SFT2D1: variants seen among roughly 807,000 people sequenced by gnomAD.
The protein encoded by SFT2D1 is vesicle transport protein SFT2A.
SFT2D1 carries 24 observed loss-of-function variants against 28.1 expected under a neutral mutation model. The observed-to-expected ratio is 0.85, with a 90% CI of 0.62 to 1.20. The LOEUF (loss-of-function observed/expected upper bound fraction) is 1.20. SFT2D1 is among the 50% of genes most tolerant of loss of function. The probability of loss-of-function intolerance (pLI) is 0.00; values close to 1 mark genes in which losing one functional copy is unlikely to be tolerated. For missense variants in SFT2D1, 181 were observed against 190.9 expected, an observed-to-expected ratio of 0.95 and a Z score of 0.31; for synonymous variants, 82 against 73.7, an observed-to-expected ratio of 1.11 and a Z score of -0.58.
At chr6:166,324,401 T>C in intron 6 of SFT2D1, 136 bp downstream of exon 6, 1 of 711,192 alleles carries the variant, frequency 1.4e-6, no homozygotes, top group Non-Finnish European at 2.3e-6. Flanking sequence ...ATCGCAGACC[T>C]CCCCTCCTCT....
intron 4 of SFT2D1, among the ~76,000 whole-genome samples, chr6:166,327,303 G>A (rs1778463795): frequency 6.6e-6 from 1 of 152,056 alleles, no homozygotes; most frequent in African/African-American, 2.4e-5. Flanking sequence ...AGAGATTTGG[G>A]TCCCCCTCCT....
chr6:166,329,235 C>T (rs146854877), intron 3 of SFT2D1, among the ~76,000 whole-genome samples: 8 of 152,342 alleles, frequency 5.3e-5, no homozygotes, highest in African/African-American at 1.9e-4. Context: ...GCCTACCTCA[C>T]AAGCTCGTCA....
chr6:166,334,635 C>T (rs7740506), intron 1 of SFT2D1: 8,111 of 199,670 alleles, frequency 0.041, 710 homozygotes, highest in African/African-American at 0.18. Flanking sequence ...ACTGTGGAAT[C>T]TCGGCACTGG....
At chr6:166,338,849 C>T (rs1231843348) in intron 1 of SFT2D1, among the ~76,000 whole-genome samples, 1 of 152,138 alleles carries the variant, frequency 6.6e-6, no homozygotes, top group Non-Finnish European at 1.5e-5. Flanking sequence ...TCCCAGGCAT[C>T]TCGAAGGAGA....
chr6:166,327,529 T>A (rs1008838878), intron 4 of SFT2D1, among the ~76,000 whole-genome samples: 6 of 152,148 alleles, frequency 3.9e-5, no homozygotes, highest in African/African-American at 1.4e-4. Flanking sequence ...TTTGTCAAGT[T>A]GGCACACAGA....
intron 1 of SFT2D1, among the ~76,000 whole-genome samples, chr6:166,331,002 C>T (rs1778539658): frequency 6.6e-6 from 1 of 152,212 alleles, no homozygotes; most frequent in South Asian, 2.1e-4. Context: ...GTGAAATGAT[C>T]ATTTATTCTA....
Position 166,330,244 on chromosome 6 carries a change from G to A in SFT2D1, c.67C>T (p.Leu23=), listed in dbSNP as rs752048093. ...TTGAAACTAAGGGATGAGGCATCCAGGACCTTAATAAAAAATGGGAAAATT... is the reference window on the plus strand; with the variant it reads ...TTGAAACTAAGGGATGAGGCATCCAAGACCTTAATAAAAAATGGGAAAATT... The part of the protein sequence containing the change: ...DEEQGLTAQV[L]DASSLSFNTR... The change falls in exon 2 of 8, where the codon CTG becomes TTG. Residue 23 remains leucine (L), a synonymous_variant. Coordinates refer to ENST00000361731, the MANE Select transcript of SFT2D1 (RefSeq NM_145169.3). The A allele has an allele frequency of 1.9e-6, 3 of 1,593,774 alleles. No homozygotes were observed. Among genetic ancestry groups the A allele is most frequent in the African/African-American group, 1.4e-5 (1 of 73,794 alleles).
In SFT2D1 at chr6:166,320,121, C is replaced by T. The variant is rs529953396; in HGVS notation, c.*96G>A. 18 of 1,126,468 alleles carry T rather than the reference C, an allele frequency of 1.6e-5. No individual in the cohort carries two copies. In the South Asian group the frequency reaches 1.6e-4, roughly 10 times the overall value. The allele number at this position is 1,126,468 out of a possible 1,614,324, so 69.8% of individuals were successfully genotyped here. A position where few individuals can be genotyped will look rare whatever the true frequency, so the allele number is the denominator to read the frequency against. ...AGTACAAAACGGTCTTCAACTGTCA[C>T]GTCAGTTGTTCCTGGAGTGTTTTAT... is the stretch of plus-strand genomic sequence containing the variant. On this transcript the variant is annotated 3_prime_UTR_variant, in exon 8 of 8. Transcript: ENST00000361731.
In SFT2D1 at chr6:166,342,453, C is replaced by T. The variant is rs868436174; in HGVS notation, c.29G>A (p.Gly10Asp). The T allele has an allele frequency of 1.3e-6, 2 of 1,559,270 alleles. No individual in the cohort carries two copies. The highest frequency in any genetic ancestry group is 8.7e-7 in the Non-Finnish European group (1 of 1,152,260). Reference protein sequence around the residue: MEKLRRVLSGQDDEEQGLTA... With the variant: MEKLRRVLSDQDDEEQGLTA... ...CAGGCCCTGCTCCTCGTCGTCCTGG[C>T]CGCTCAGGACTCGCCGCAGCTTCTC... The change falls in exon 1 of 8, where the codon GGC (glycine) becomes GAC (aspartate). Residue 10 changes from glycine to aspartate, a missense_variant. Gly to Asp is a moderately conservative substitution (Grantham distance 94, BLOSUM62 -1). Coordinates refer to ENST00000361731, the MANE Select transcript of SFT2D1 (RefSeq NM_145169.3).
At chr6:166,336,792 A>T (rs1583042314) in intron 1 of SFT2D1, among the ~76,000 whole-genome samples, 1 of 151,644 alleles carries the variant, frequency 6.6e-6, no homozygotes, top group Non-Finnish European at 1.5e-5. Context: ...CTGGTCTTGA[A>T]CTCCTGGGCC....
At position 166,342,488 on chromosome 6, in the gene SFT2D1, G is replaced by A; in HGVS notation, c.-7C>T. 1 of 1,548,698 alleles carries A rather than the reference G, an allele frequency of 6.5e-7. No individual in the cohort carries two copies. Among genetic ancestry groups the A allele is most frequent in the Non-Finnish European group, 8.7e-7 (1 of 1,146,784 alleles). On this transcript the variant is annotated 5_prime_UTR_variant, in exon 1 of 8. Coordinates refer to ENST00000361731, the MANE Select transcript of SFT2D1 (RefSeq NM_145169.3). Reference sequence around the variant, plus strand: ...CTCGCCGCAGCTTCTCCATGGCCCTGTTACAGGGCCGTAGCGGCCGCCACT... The same window carrying A: ...CTCGCCGCAGCTTCTCCATGGCCCTATTACAGGGCCGTAGCGGCCGCCACT...
In SFT2D1 at chr6:166,329,519, G is replaced by T; in HGVS notation, c.221C>A (p.Ala74Asp). 1 of 1,608,176 alleles carries T rather than the reference G, an allele frequency of 6.2e-7. No individual in the cohort carries two copies. Among genetic ancestry groups the T allele is most frequent in the Non-Finnish European group, 8.5e-7 (1 of 1,175,932 alleles). Residue 74 changes from alanine (A) to aspartate (D), a missense_variant, in exon 3 of 8, where the codon GCT becomes GAT. Coordinates refer to ENST00000361731, the MANE Select transcript of SFT2D1 (RefSeq NM_145169.3). ...FAVFYTLGNL[A>D]ALASTCFLMG... Reference sequence around the variant, plus strand: ...AAGCCAAACGTACCTGGCTAACGCAGCAAGATTGCCGAGGGTATAAAACAC... The same window carrying T: ...AAGCCAAACGTACCTGGCTAACGCATCAAGATTGCCGAGGGTATAAAACAC...
chr6:166,324,154 G>A (rs562474413), intron 6 of SFT2D1: 9 of 171,100 alleles, frequency 5.3e-5, no homozygotes, highest in South Asian at 1.9e-4. Flanking sequence ...TAAATTCCAC[G>A]TTGTATTTAT....
intron 1 of SFT2D1, chr6:166,335,291 A>G: frequency 1.7e-6 from 1 of 579,826 alleles, no homozygotes; most frequent in Non-Finnish European, 3.3e-6. Flanking sequence ...CGGTGGATAC[A>G]GTGGCAGCAG....
intron 1 of SFT2D1, among the ~76,000 whole-genome samples, chr6:166,336,244 A>G (rs1045258519): frequency 1.3e-5 from 2 of 152,216 alleles, no homozygotes; most frequent in Non-Finnish European, 2.9e-5. Context: ...CACTGTCTTC[A>G]GTGAGCTCGG....
intron 1 of SFT2D1, chr6:166,334,891 A>G (rs1778617086): frequency 2.4e-6 from 1 of 421,440 alleles, no homozygotes; most frequent in Non-Finnish European, 4.6e-6. Context: ...CAACTGTGAA[A>G]AAGATATTTG....
At chr6:166,330,109 A>T in intron 2 of SFT2D1, 52 bp downstream of exon 2, 1 of 1,346,838 alleles carries the variant, frequency 7.4e-7, no homozygotes, top group Non-Finnish European at 1.0e-6. Flanking sequence ...AAATGGAATT[A>T]TTAGTCTAAT....
At chr6:166,325,999 T>C (rs938610325) in intron 5 of SFT2D1, 133 bp downstream of exon 5, 1 of 887,404 alleles carries the variant, frequency 1.1e-6, no homozygotes, top group Non-Finnish European at 1.8e-6. Context: ...ACATGTCAAA[T>C]TTTAGGAACA....
Position 166,326,166 on chromosome 6 carries a change from A to T in SFT2D1, c.317T>A (p.Leu106Ter). Residue 106 changes from leucine (L) to a stop codon, truncating the protein, a stop_gained and splice_region_variant, in exon 5 of 8, where the codon TTG (leucine) becomes TAG (stop). Coordinates refer to ENST00000361731, the MANE Select transcript of SFT2D1 (RefSeq NM_145169.3). LOFTEE classifies it high-confidence loss of function. ...TRLLATIVML[L>*]CFIFTLCAAL... is the part of the protein sequence containing the mutation. The stretch of plus-strand genomic sequence containing the variant: ...AGCACACAGGGTAAATATGAAACAC[A>T]ACTACAGGGGAAGAAAGAGTAGATT... 1 of 1,613,432 alleles carries T rather than the reference A, an allele frequency of 6.2e-7. No individual in the cohort carries two copies. The highest frequency in any genetic ancestry group is 1.3e-5 in the African/African-American group (1 of 75,048).
Sources: allele counts gnomAD v4.1 joint callset (sites outside exome capture counted in the v4.1 genomes callset), GRCh38; gene constraint gnomAD v4.1.1; transcripts MANE v1.5; gene names NCBI Gene and HGNC (gene_info 2026-07-23, HGNC 2026-07-21).